The following ANKRD11 variants were observed in gnomAD, a reference collection of about 807,000 sequenced individuals.
ANKRD11 encodes the protein ankyrin repeat domain-containing protein 11.
A neutral mutation model predicts 195.7 loss-of-function variants in ANKRD11; 17 were observed. That is an observed-to-expected ratio of 0.09 (90% CI 0.06 to 0.13). The LOEUF is 0.13. Among genes scored for constraint, ANKRD11 ranks in the 10% least tolerant of loss-of-function variants. The pLI is 1.00. For synonymous variants in ANKRD11, 1,953 were observed against 1,528.1 expected (o/e 1.28, Z -6.49); for missense variants, 3,735 against 3,566.1 (o/e 1.05, Z -1.21).
chr16:89,350,417 C>T (rs928486908), intron 2 of ANKRD11, among the ~76,000 whole-genome samples: 7 of 152,164 alleles, frequency 4.6e-5, no homozygotes, highest in African/African-American at 1.7e-4. Flanking sequence ...AAACAACGGA[C>T]ATGTCTATAA....
At chr16:89,455,172 C>G (rs1463855537) in intron 1 of ANKRD11, among the ~76,000 whole-genome samples, 2 of 139,776 alleles carry the variant, frequency 1.4e-5, no homozygotes, top group Non-Finnish European at 3.1e-5. Context: ...AGCTGCTCCC[C>G]TGGGTGCTTC....
chr16:89,420,302 A>G (rs2042459675), intron 1 of ANKRD11: 1 of 152,206 alleles, frequency 6.6e-6, no homozygotes, highest in South Asian at 2.1e-4. Flanking sequence ...ACGATTTGCA[A>G]GCTCACTGCC....
At chr16:89,351,973 C>A (rs1488690734) in intron 2 of ANKRD11, among the ~76,000 whole-genome samples, 1 of 152,150 alleles carries the variant, frequency 6.6e-6, no homozygotes, top group Non-Finnish European at 1.5e-5. Context: ...TGCAGTGGTG[C>A]GATCGTGGCT....
chr16:89,323,138 G>T (rs979647537), intron 2 of ANKRD11: 2 of 359,258 alleles, frequency 5.6e-6, no homozygotes, highest in Non-Finnish European at 1.1e-5. Flanking sequence ...TGGAAAGGGA[G>T]AAGCACGGTC....
chr16:89,454,318 G>A (rs530335013), intron 1 of ANKRD11, among the ~76,000 whole-genome samples: 53 of 152,202 alleles, frequency 3.5e-4, no homozygotes, highest in African/African-American at 4.1e-4. Context: ...TGAGGCCTAC[G>A]CTGAGTCCCA....
intron 2 of ANKRD11, among the ~76,000 whole-genome samples, chr16:89,381,354 A>G (rs8050266): frequency 0.073 from 9,093 of 124,390 alleles, 684 homozygotes; most frequent in African/African-American, 0.14. Context: ...AAAAAAAAAA[A>G]GGGGTGAGAA....
intron 4 of ANKRD11, chr16:89,300,152 C>T (rs1339454765): frequency 2.0e-5 from 4 of 204,432 alleles, no homozygotes; most frequent in South Asian, 1.6e-4. Flanking sequence ...GGTGCCTGCC[C>T]TGTGTGGGGT....
At chr16:89,322,533 A>G (rs80321753) in intron 2 of ANKRD11, among the ~76,000 whole-genome samples, 4,090 of 152,354 alleles carry the variant, frequency 0.027, 187 homozygotes, top group African/African-American at 0.094. Flanking sequence ...GGAAGTCAGC[A>G]GCAGGGTGGA....
intron 1 of ANKRD11, among the ~76,000 whole-genome samples, chr16:89,426,317 C>T (rs2042712680): frequency 6.6e-6 from 1 of 152,104 alleles, no homozygotes; most frequent in African/African-American, 2.4e-5. Flanking sequence ...ACAGTGAAAA[C>T]AGCCCCAATA....
intron 2 of ANKRD11, among the ~76,000 whole-genome samples, chr16:89,317,306 G>C (rs1035687180): frequency 6.6e-6 from 1 of 152,226 alleles, no homozygotes; most frequent in Non-Finnish European, 1.5e-5. Flanking sequence ...ACAGAGAAGG[G>C]TCAAGCACTT....
At chr16:89,397,707 C>G (rs371150988) in intron 2 of ANKRD11, among the ~76,000 whole-genome samples, 1 of 152,216 alleles carries the variant, frequency 6.6e-6, no homozygotes, top group East Asian at 1.9e-4. Flanking sequence ...CCCGGTACTG[C>G]TCTTGGAATG....
intron 2 of ANKRD11, among the ~76,000 whole-genome samples, chr16:89,402,987 C>A (rs914276838): frequency 6.6e-6 from 1 of 152,170 alleles, no homozygotes; most frequent in Non-Finnish European, 1.5e-5. Context: ...AGCTCTAGAG[C>A]AAGGCCAGTC....
chr16:89,367,355 C>G (rs182792402), intron 2 of ANKRD11, among the ~76,000 whole-genome samples: 7 of 152,360 alleles, frequency 4.6e-5, no homozygotes, highest in Admixed American at 2.6e-4. Flanking sequence ...CCCAGAGCGG[C>G]AGACCTCCCA....
At chr16:89,444,493 G>C (rs566122800) in intron 1 of ANKRD11, among the ~76,000 whole-genome samples, 17 of 152,186 alleles carry the variant, frequency 1.1e-4, no homozygotes, top group East Asian at 5.8e-4. Flanking sequence ...GGTTGTGTAG[G>C]GTTTGCCATC....
intron 1 of ANKRD11, among the ~76,000 whole-genome samples, chr16:89,467,925 C>T (rs2056940448): frequency 6.6e-6 from 1 of 151,986 alleles, no homozygotes; most frequent in Non-Finnish European, 1.5e-5. Flanking sequence ...CTCAGCCTCC[C>T]GAGTAGCTGG....
chr16:89,442,487 A>G (rs980132092), intron 1 of ANKRD11, among the ~76,000 whole-genome samples: 7 of 152,168 alleles, frequency 4.6e-5, no homozygotes, highest in South Asian at 2.1e-4. Context: ...CTTTATGCAC[A>G]GCTTCCCCCA....
intron 2 of ANKRD11, among the ~76,000 whole-genome samples, chr16:89,355,764 G>A (rs186661640): frequency 2.8e-4 from 43 of 152,340 alleles, no homozygotes; most frequent in African/African-American, 9.9e-4. Flanking sequence ...GTTACTGAGC[G>A]CAGCCTGACA....
chr16:89,313,075 A>G (rs1160532919), intron 3 of ANKRD11, among the ~76,000 whole-genome samples: 1 of 152,000 alleles, frequency 6.6e-6, no homozygotes, highest in Non-Finnish European at 1.5e-5. Context: ...GCCTCCACAC[A>G]GCTCGCCAGG....
intron 2 of ANKRD11, among the ~76,000 whole-genome samples, chr16:89,319,586 G>A (rs983656782): frequency 7.2e-5 from 11 of 152,206 alleles, no homozygotes; most frequent in African/African-American, 2.7e-4. Context: ...TGTTACCGAT[G>A]GCAGCGATGT....
Sources: gnomAD v4.1 joint callset for allele counts (sites outside exome capture counted in the v4.1 genomes callset) on GRCh38, gnomAD v4.1.1 for gene constraint, MANE v1.5 for transcripts, NCBI Gene and HGNC (gene_info 2026-07-23, HGNC 2026-07-21) for gene names.